Variants in TSPAN1 observed in about 807,000 individuals in gnomAD.
The protein encoded by TSPAN1 is tetraspanin-1.
A neutral mutation model predicts 26.9 loss-of-function variants in TSPAN1; 23 were observed. That is an observed-to-expected ratio of 0.85 (90% confidence interval 0.62 to 1.21). The LOEUF is 1.21. TSPAN1 is among the 50% of genes most tolerant of loss of function. The pLI is 0.00. For synonymous variants in TSPAN1, 115 were observed against 114.8 expected, an observed-to-expected ratio of 1.00 and a Z score of -0.01; for missense variants, 283 against 298.4, an observed-to-expected ratio of 0.95 and a Z score of 0.38.
chr1:46,194,869 T>G, the TSPAN1 span: 1 of 1,614,050 alleles, frequency 6.2e-7, no homozygotes, highest in Admixed American at 1.7e-5. Flanking sequence ...CGAAGGCCCA[T>G]GTGTCCCTCC....
At position 46,182,304 on chromosome 1, in the gene TSPAN1, C is replaced by CAAAAAAA. The variant is rs71062743; in HGVS notation, c.57+1147_57+1153dup. Among the ~76,000 whole-genome samples, 22 of 30,166 alleles carry CAAAAAAA rather than the reference C, an allele frequency of 7.3e-4. 7 individuals carry two copies. Among genetic ancestry groups the CAAAAAAA allele is most frequent in the South Asian group, 8.8e-3 (2 of 226 alleles). 19.8% of individuals were successfully genotyped at this position (30,166 alleles called of 152,430 possible). ...GGAAACCCAATTTATTAGGGATAAG[C>CAAAAAAA]AAAAAAAAAAAAAGCCACTGTGAAG... On this transcript the variant is annotated intron_variant, in intron 3 of 8. Transcript: ENST00000372003.
At chr1:46,195,235 C>T in the TSPAN1 span, among the ~76,000 whole-genome samples, 3 of 152,322 alleles carry the variant, frequency 2.0e-5, no homozygotes, top group East Asian at 5.8e-4. Context: ...CTCTCCTACT[C>T]TCCTCCCTTA....
At chr1:46,179,511 G>C (rs567110987) in intron 1 of TSPAN1, among the ~76,000 whole-genome samples, 1 of 152,204 alleles carries the variant, frequency 6.6e-6, no homozygotes, top group South Asian at 2.1e-4. Flanking sequence ...CCAAGTCTAA[G>C]AAAAGTCCCC....
At chr1:46,193,960 T>C in the TSPAN1 span, 1 of 1,612,062 alleles carries the variant, frequency 6.2e-7, no homozygotes, top group Non-Finnish European at 8.5e-7. Flanking sequence ...CTTGCCTTAT[T>C]CCCCCTTCAA....
At chr1:46,187,975 C>G (rs1657474624), downstream of TSPAN1, among the ~76,000 whole-genome samples, 1 of 152,186 alleles carries the variant, frequency 6.6e-6, no homozygotes, top group African/African-American at 2.4e-5. Flanking sequence ...ACTCATCCTC[C>G]TGACATTAGG....
chr1:46,182,823 C>G (rs1251598069), intron 3 of TSPAN1, among the ~76,000 whole-genome samples: 1 of 151,728 alleles, frequency 6.6e-6, no homozygotes, highest in African/African-American at 2.4e-5. Flanking sequence ...TTGTTTGTTT[C>G]TTTGAGACAG....
downstream of TSPAN1, chr1:46,190,669 G>A (rs375987384): frequency 1.3e-6 from 2 of 1,561,390 alleles, no homozygotes; most frequent in Non-Finnish European, 1.8e-6. Context: ...TTCAGGGACT[G>A]GCCTCCAAAT....
chr1:46,177,553 T>G (rs953788616), intron 1 of TSPAN1, among the ~76,000 whole-genome samples: 4 of 152,144 alleles, frequency 2.6e-5, no homozygotes, highest in African/African-American at 9.7e-5. Flanking sequence ...GGGACCATTT[T>G]AGACAGTAAA....
At chr1:46,178,155 G>A (rs375847112) in intron 1 of TSPAN1, among the ~76,000 whole-genome samples, 2 of 152,190 alleles carry the variant, frequency 1.3e-5, no homozygotes, top group African/African-American at 2.4e-5. Context: ...TCAGGAGCTC[G>A]AGAGCAGCCT....
At position 46,177,365 on chromosome 1, in the gene TSPAN1, A is replaced by G. The variant is rs80285163; in HGVS notation, c.-142+1956A>G. 1.1e-3 allele frequency among the ~76,000 whole-genome samples: 170 copies of G among 151,814 alleles called. 1 individual carries two copies. In the Middle Eastern group the frequency reaches 0.037, roughly 33 times the overall value. ...AAAAAAAAAATATATCTATCTATCT[A>G]TCTATCTATCTATCTAACTATCTAT... On this transcript the variant is annotated intron_variant, in intron 1 of 8. Transcript: ENST00000372003.
At chr1:46,189,703 G>GA, downstream of TSPAN1, 1 of 1,546,622 alleles carries the variant, frequency 6.5e-7, no homozygotes, top group South Asian at 1.2e-5. Flanking sequence ...TTTAGAATAT[G>GA]AATTTGGACA....
chr1:46,193,742 T>G, the TSPAN1 span: 8 of 1,597,660 alleles, frequency 5.0e-6, no homozygotes, highest in Non-Finnish European at 6.8e-6. Flanking sequence ...CCCACAGAGG[T>G]GAATGCGTCT....
At chr1:46,180,339 T>G (rs2234263) in intron 1 of TSPAN1, among the ~76,000 whole-genome samples, 187 bp from the exon 2 acceptor site, 5,763 of 152,286 alleles carry the variant, frequency 0.038, 357 homozygotes, top group African/African-American at 0.13. Flanking sequence ...CTGGGCTGCT[T>G]CTTCTTGAGA....
rs1468024160 is a variant in TSPAN1 at position 46,181,178 on chromosome 1, T to C, written c.57+14T>C. On this transcript the variant is annotated intron_variant, in intron 3 of 8. Transcript: ENST00000372003. ...TTGCTCATCTTTGTAAGTACGGACA[T>C]TGTGGACTCTTTGGGGCTCCCTATA... 1 of 1,610,538 alleles carries C rather than the reference T, an allele frequency of 6.2e-7. No homozygotes were observed. The highest frequency in any genetic ancestry group is 1.1e-5 in the South Asian group (1 of 90,368).
Position 46,185,468 on chromosome 1 carries a change from C to G in TSPAN1, c.679-18C>G, listed in dbSNP as rs1365879378. Reference sequence around the variant, plus strand: ...CCCTATCATGTTCCCTCATCTCTCCCTGTTCCTCCCTCTCCAGCTGGCTGC... The same window carrying G: ...CCCTATCATGTTCCCTCATCTCTCCGTGTTCCTCCCTCTCCAGCTGGCTGC... On this transcript the variant is annotated intron_variant, in intron 8 of 8. Transcript: ENST00000372003. 6.2e-7 allele frequency: 1 copy of G among 1,614,058 alleles called. No homozygotes were observed. The highest frequency in any genetic ancestry group is 1.3e-5 in the African/African-American group (1 of 74,932).
At chr1:46,196,153 C>T in the TSPAN1 span, 1 of 1,608,070 alleles carries the variant, frequency 6.2e-7, no homozygotes, top group South Asian at 1.1e-5. This position sits in a 1 kb window ranked among gnomAD's most constrained non-coding sequence, Gnocchi z 4.4. Flanking sequence ...GTACTTAAAA[C>T]ACCAGCTGCT....
downstream of TSPAN1, chr1:46,190,672 C>A (rs1184710863): frequency 6.4e-7 from 1 of 1,569,580 alleles, no homozygotes; most frequent in Non-Finnish European, 8.8e-7. Flanking sequence ...AGGGACTGGC[C>A]TCCAAATCTC....
At chr1:46,192,419 A>G in the TSPAN1 span, 2 of 1,614,168 alleles carry the variant, frequency 1.2e-6, no homozygotes, top group Non-Finnish European at 1.7e-6. Context: ...CTGGGTCCTC[A>G]GCCGTGTGTT....
chr1:46,192,545 C>T, the TSPAN1 span: 26,117 of 1,614,166 alleles, frequency 0.016, 266 homozygotes, highest in Non-Finnish European at 0.021. Context: ...AGATGCAGTA[C>T]AGGCTGTCAT....
Sources: allele counts gnomAD v4.1 joint callset (sites outside exome capture counted in the v4.1 genomes callset), GRCh38; gene constraint gnomAD v4.1.1; non-coding constraint Gnocchi (gnomAD v3.1); transcripts MANE v1.5; gene names NCBI Gene and HGNC (gene_info 2026-07-23, HGNC 2026-07-21).